ATP8A2: variants seen among roughly 807,000 people sequenced by gnomAD.
The protein encoded by ATP8A2 is ATPase phospholipid transporting 8A2.
A neutral mutation model predicts 165.6 loss-of-function variants in ATP8A2; 100 were observed. That is an observed-to-expected ratio of 0.60 (90% CI 0.51 to 0.71). ATP8A2 has a LOEUF of 0.71. Among genes scored for constraint, ATP8A2 ranks in the 30% least tolerant of loss-of-function variants. ATP8A2 has a pLI of 0.00. For missense variants in ATP8A2, 1,227 were observed against 1,479.5 expected (o/e 0.83, Z 2.80); for synonymous variants, 543 against 548.8 (o/e 0.99, Z 0.15).
At chr13:25,909,534 A>G (rs1954041984) in intron 33 of ATP8A2, among the ~76,000 whole-genome samples, 1 of 152,210 alleles carries the variant, frequency 6.6e-6, no homozygotes, top group African/African-American at 2.4e-5. Context: ...TGCAAAAGTC[A>G]ACCGCAATTA....
intron 15 of ATP8A2, among the ~76,000 whole-genome samples, chr13:25,561,988 G>A (rs930020691): frequency 6.6e-6 from 1 of 152,192 alleles, no homozygotes; most frequent in African/African-American, 2.4e-5. Context: ...GCGATTGCAT[G>A]TATATGCCAC....
chr13:25,898,527 C>A (rs748744701), intron 33 of ATP8A2, among the ~76,000 whole-genome samples: 7 of 152,084 alleles, frequency 4.6e-5, no homozygotes, highest in Non-Finnish European at 8.8e-5. Context: ...GCTGCGTGCT[C>A]GGAGAACCAC....
intron 10 of ATP8A2, among the ~76,000 whole-genome samples, chr13:25,547,395 TA>T (rs1009140336): frequency 2.0e-4 from 30 of 152,118 alleles, no homozygotes; most frequent in African/African-American, 7.2e-4. Flanking sequence ...GCGGTGGCAT[TA>T]GATTCTCATA....
At chr13:25,733,625 G>A (rs1203540027) in intron 25 of ATP8A2, among the ~76,000 whole-genome samples, 1 of 152,084 alleles carries the variant, frequency 6.6e-6, no homozygotes, top group South Asian at 2.1e-4. Context: ...ATGCTTTGTC[G>A]GCCCTCTCAC....
At chr13:25,673,822 T>A (rs1438476751) in intron 24 of ATP8A2, among the ~76,000 whole-genome samples, 1 of 152,178 alleles carries the variant, frequency 6.6e-6, no homozygotes, top group African/African-American at 2.4e-5. Flanking sequence ...GCCTGTGTGG[T>A]CCTAGTTAGA....
intron 25 of ATP8A2, among the ~76,000 whole-genome samples, chr13:25,733,385 C>G (rs896212877): frequency 1.3e-5 from 2 of 152,094 alleles, no homozygotes; most frequent in African/African-American, 4.8e-5. Flanking sequence ...GTTATTTCCT[C>G]TTAGGCACTT....
intron 2 of ATP8A2, among the ~76,000 whole-genome samples, chr13:25,472,008 T>C (rs2035858718): frequency 6.6e-6 from 1 of 152,210 alleles, no homozygotes; most frequent in Non-Finnish European, 1.5e-5. Flanking sequence ...TCCTTGATGT[T>C]CTTTAAAATG....
At chr13:25,427,469 G>A (rs1191250008) in intron 1 of ATP8A2, among the ~76,000 whole-genome samples, 1 of 152,070 alleles carries the variant, frequency 6.6e-6, no homozygotes, top group Non-Finnish European at 1.5e-5. Context: ...GAATCATCCT[G>A]AAACTATCCC....
At chr13:25,465,879 C>A (rs576063456) in intron 1 of ATP8A2, among the ~76,000 whole-genome samples, 1 of 150,980 alleles carries the variant, frequency 6.6e-6, no homozygotes, top group African/African-American at 2.4e-5. Flanking sequence ...CCCAACTTGG[C>A]CTCCCAAAGT....
At chr13:25,947,502 T>A (rs1339191657) in intron 33 of ATP8A2, among the ~76,000 whole-genome samples, 1 of 152,162 alleles carries the variant, frequency 6.6e-6, no homozygotes, top group Non-Finnish European at 1.5e-5. Context: ...AGTGTATGAT[T>A]CCTGCCATCT....
chr13:25,875,333 G>T (rs771895379), intron 33 of ATP8A2, among the ~76,000 whole-genome samples: 1 of 150,046 alleles, frequency 6.7e-6, no homozygotes, highest in African/African-American at 2.5e-5. Flanking sequence ...TGAGTGAAGT[G>T]AATATTCTCA....
At chr13:25,640,301 CAATG>C (rs1315081644) in intron 24 of ATP8A2, among the ~76,000 whole-genome samples, 1 of 151,956 alleles carries the variant, frequency 6.6e-6, no homozygotes, top group African/African-American at 2.4e-5. Context: ...CTCAAAAAAT[CAATG>C]AATCCAGGAG....
chr13:25,418,226 C>T (rs1389129212), intron 1 of ATP8A2, among the ~76,000 whole-genome samples: 32 of 152,130 alleles, frequency 2.1e-4, no homozygotes, highest in Admixed American at 2.1e-3. Flanking sequence ...CAAAAGATCC[C>T]CACTGTCCCG....
rs2044123881 is a variant in ATP8A2, at chr13:25,750,193, T to A, written c.2385-18853T>A. 6.6e-6 allele frequency among the ~76,000 whole-genome samples: 1 copy of A among 152,252 alleles called. No individual in the cohort carries two copies. Among genetic ancestry groups the A allele is most frequent in the South Asian group, 2.1e-4 (1 of 4,824 alleles). On this transcript the variant is annotated intron_variant, in intron 25 of 36. Transcript: ENST00000381655. The surrounding 1 kb of genome is among the most constrained non-coding windows in gnomAD (Gnocchi z 4.3). ...GAAGTCCTCCCTGAAGGGTCACTGG[T>A]CCAGTTCGTGTGGAAGACAGGCCGG... is the stretch of plus-strand genomic sequence containing the variant.
intron 26 of ATP8A2, among the ~76,000 whole-genome samples, chr13:25,772,224 C>T (rs1188445050): frequency 6.6e-6 from 1 of 152,114 alleles, no homozygotes; most frequent in Non-Finnish European, 1.5e-5. Context: ...ATTCCTGCCC[C>T]CTGCCCTCCT....
intron 1 of ATP8A2, among the ~76,000 whole-genome samples, chr13:25,395,100 A>T (rs2033376394): frequency 1.3e-5 from 2 of 152,238 alleles, no homozygotes; most frequent in South Asian, 2.1e-4. Context: ...TATGATGTCA[A>T]ATAAAATTTG....
intron 1 of ATP8A2, among the ~76,000 whole-genome samples, chr13:25,377,231 T>C (rs1566089229): frequency 6.6e-6 from 1 of 152,218 alleles, no homozygotes; most frequent in Non-Finnish European, 1.5e-5. Context: ...AAATATAACT[T>C]CTGGTCAATA....
At chr13:25,508,341 A>G (rs1027611828) in intron 2 of ATP8A2, among the ~76,000 whole-genome samples, 2 of 152,224 alleles carry the variant, frequency 1.3e-5, no homozygotes, top group Non-Finnish European at 2.9e-5. Context: ...TCGATCTCCT[A>G]GAATTAAACT....
At chr13:25,496,848 CTTATTAAAAT>C (rs2036693990) in intron 2 of ATP8A2, among the ~76,000 whole-genome samples, 1 of 152,120 alleles carries the variant, frequency 6.6e-6, no homozygotes, top group Non-Finnish European at 1.5e-5. Flanking sequence ...ATTTAATATT[CTTATTAAAAT>C]ATCAGGAGGA....
Sources: gnomAD v4.1 joint callset for allele counts (sites outside exome capture counted in the v4.1 genomes callset) on GRCh38, gnomAD v4.1.1 for gene constraint, Gnocchi (gnomAD v3.1) non-coding constraint, MANE v1.5 for transcripts, NCBI Gene and HGNC (gene_info 2026-07-23, HGNC 2026-07-21) for gene names.